Variants in TCF20 observed in about 807,000 individuals in gnomAD.
TCF20 encodes transcription factor 20, also known as SPRE-binding protein.
Under a neutral mutation model 148.6 loss-of-function variants are expected in TCF20, and 3 were observed. The ratio of observed to expected loss-of-function variants is 0.02; its 90% CI spans 0.01 to 0.05. The LOEUF (loss-of-function observed/expected upper bound fraction) is 0.05, where lower values mean the gene tolerates loss of function less well. Among genes scored for constraint, TCF20 ranks in the 10% least tolerant of loss-of-function variants. The probability of loss-of-function intolerance (pLI) is 1.00; values close to 1 mark genes in which losing one functional copy is unlikely to be tolerated. For synonymous variants in TCF20, 1,049 were observed against 909.5 expected (o/e 1.15, Z -2.76); for missense variants, 2,350 against 2,429.3 (o/e 0.97, Z 0.69).
chr22:42,199,794 G>A (rs1937869354), intron 2 of TCF20, among the ~76,000 whole-genome samples: 1 of 147,388 alleles, frequency 6.8e-6, no homozygotes, highest in African/African-American at 2.5e-5. Context: ...AGGTTGCAGT[G>A]AGCTGGGATC....
intron 1 of TCF20, among the ~76,000 whole-genome samples, chr22:42,315,512 CCTATTCA>C (rs1244262239): frequency 2.0e-5 from 3 of 152,194 alleles, no homozygotes; most frequent in African/African-American, 7.2e-5. Flanking sequence ...CACTCCCTTG[CCTATTCA>C]CTCAACAAAC....
chr22:42,239,174 A>G (rs182047624), intron 1 of TCF20, among the ~76,000 whole-genome samples: 1 of 151,130 alleles, frequency 6.6e-6, no homozygotes, highest in Admixed American at 6.6e-5. Flanking sequence ...TTCATGACAG[A>G]TAACAATTTT....
chr22:42,342,716 C>A (rs1029934718), intron 1 of TCF20, among the ~76,000 whole-genome samples: 1 of 152,202 alleles, frequency 6.6e-6, no homozygotes, highest in East Asian at 1.9e-4. Flanking sequence ...CCTACTTCCG[C>A]ATTAAATTGG....
chr22:42,201,370 G>A (rs1008761708), intron 2 of TCF20, among the ~76,000 whole-genome samples: 1 of 152,144 alleles, frequency 6.6e-6, no homozygotes, highest in African/African-American at 2.4e-5. Flanking sequence ...GAATGCTATA[G>A]GGAAGTATTT....
rs114032025 is a variant in TCF20 at position 42,197,959 on chromosome 22, G to C, written c.5655+11692C>G. On this transcript the variant is annotated intron_variant, in intron 2 of 5. Coordinates refer to ENST00000677622, the MANE Select transcript of TCF20 (RefSeq NM_001378418.1). ...TGACCCTTTGTTGATTAAACCACAA[G>C]ACAATGCCTATCAAAAACCATAACA... is the stretch of plus-strand genomic sequence containing the variant. Among the ~76,000 whole-genome samples, 669 of 152,240 alleles carry C rather than the reference G, an allele frequency of 4.4e-3. 7 individuals are homozygous for C. Among genetic ancestry groups the C allele is most frequent in the African/African-American group, 0.016 (647 of 41,546 alleles).
chr22:42,341,607 G>T (rs2037554126), intron 1 of TCF20, among the ~76,000 whole-genome samples: 1 of 152,174 alleles, frequency 6.6e-6, no homozygotes, highest in South Asian at 2.1e-4. Flanking sequence ...CTCCTTGTCA[G>T]CCTCAAGGGG....
At chr22:42,257,614 A>G (rs1336130332) in intron 1 of TCF20, among the ~76,000 whole-genome samples, 1 of 152,242 alleles carries the variant, frequency 6.6e-6, no homozygotes, top group Non-Finnish European at 1.5e-5. Flanking sequence ...CTATAAAAGC[A>G]AAACACAGCC....
chr22:42,309,082 G>A (rs555961445), intron 1 of TCF20, among the ~76,000 whole-genome samples: 38 of 152,254 alleles, frequency 2.5e-4, no homozygotes, highest in African/African-American at 3.6e-4. Context: ...AAGCATGGCC[G>A]GCCGGCCACA....
At chr22:42,168,938 T>C (rs915217185) in intron 4 of TCF20, among the ~76,000 whole-genome samples, 1 of 151,732 alleles carries the variant, frequency 6.6e-6, no homozygotes, top group East Asian at 1.9e-4. Context: ...AAAAATAACA[T>C]GCAAATTAAG....
chr22:42,208,721 TA>T (rs778448462), intron 2 of TCF20, among the ~76,000 whole-genome samples: 22 of 151,690 alleles, frequency 1.5e-4, no homozygotes, highest in Non-Finnish European at 2.7e-4. Flanking sequence ...GGAGAAAAGA[TA>T]AAAACAGCGG....
chr22:42,184,187 C>T (rs1163916457), intron 2 of TCF20, among the ~76,000 whole-genome samples: 1 of 152,148 alleles, frequency 6.6e-6, no homozygotes, highest in Non-Finnish European at 1.5e-5. Flanking sequence ...CTGTCTTCGA[C>T]ATCTGTTTTT....
upstream of TCF20, among the ~76,000 whole-genome samples, chr22:42,270,809 G>C (rs1388320940): frequency 4.8e-5 from 7 of 147,088 alleles, no homozygotes; most frequent in Admixed American, 3.4e-4. Context: ...CGGCGGCGTC[G>C]AGGCTGGCGC....
upstream of TCF20, among the ~76,000 whole-genome samples, chr22:42,285,273 C>G (rs1050804366): frequency 1.3e-5 from 2 of 152,044 alleles, no homozygotes; most frequent in Non-Finnish European, 2.9e-5. The surrounding 1 kb of genome is among the most constrained non-coding windows in gnomAD (Gnocchi z 4.2). Flanking sequence ...TACTAAGCGC[C>G]AGGTCCTGGT....
chr22:42,257,326 A>G (rs1213580781), intron 1 of TCF20, among the ~76,000 whole-genome samples: 1 of 152,160 alleles, frequency 6.6e-6, no homozygotes, highest in Non-Finnish European at 1.5e-5. Flanking sequence ...TACTGATTTT[A>G]GTTACTCTTA....
intron 1 of TCF20, among the ~76,000 whole-genome samples, chr22:42,233,317 T>C (rs1923599273): frequency 6.6e-6 from 1 of 152,204 alleles, no homozygotes; most frequent in South Asian, 2.1e-4. Flanking sequence ...GAAAGTTTAG[T>C]AACTCTCATA....
rs1928110060 is a variant in TCF20 at position 42,338,643 on chromosome 22, A to C, written c.-37+4836T>G. Among the ~76,000 whole-genome samples the C allele has an allele frequency of 6.6e-6, 1 of 152,242 alleles. No individual in the cohort carries two copies. Among genetic ancestry groups the C allele is most frequent in the South Asian group, 2.1e-4 (1 of 4,838 alleles). ...CTGCCTGCTCGGGAAAGGCGGAGGC[A>C]GACAGCCATGTTGCCAGCTCCTGCG... On this transcript the variant is annotated intron_variant, in intron 1 of 1. Coordinates refer to the TCF20 transcript ENST00000515426. The surrounding 1 kb of genome is among the most constrained non-coding windows in gnomAD (Gnocchi z 4.0).
intron 1 of TCF20, among the ~76,000 whole-genome samples, chr22:42,257,260 C>T (rs779845145): frequency 4.6e-5 from 7 of 152,288 alleles, no homozygotes; most frequent in African/African-American, 7.2e-5. Context: ...TCCATCTGAC[C>T]CTGTCTGCTA....
chr22:42,252,866 A>G (rs1925492901), intron 1 of TCF20, among the ~76,000 whole-genome samples: 1 of 152,190 alleles, frequency 6.6e-6, no homozygotes, highest in Admixed American at 6.5e-5. Context: ...TCATACAACC[A>G]TTTTAACTCT....
At chr22:42,250,980 G>C (rs1279164443) in intron 1 of TCF20, among the ~76,000 whole-genome samples, 1 of 152,114 alleles carries the variant, frequency 6.6e-6, no homozygotes, top group Non-Finnish European at 1.5e-5. Context: ...TCACCGTCTC[G>C]AGGACAGCAT....
Sources: allele counts gnomAD v4.1 joint callset (sites outside exome capture counted in the v4.1 genomes callset), GRCh38; gene constraint gnomAD v4.1.1; non-coding constraint Gnocchi (gnomAD v3.1); transcripts MANE v1.5; gene names NCBI Gene and HGNC (gene_info 2026-07-23, HGNC 2026-07-21).